Variants in BRCA1 observed in about 807,000 individuals in gnomAD.
BRCA1 encodes the protein breast cancer type 1 susceptibility protein.
In BRCA1, 140 loss-of-function variants were observed where a neutral mutation model predicts 173.7. That is an observed-to-expected ratio of 0.81 (90% CI 0.70 to 0.93). BRCA1 has a LOEUF of 0.93. Among genes scored for constraint, BRCA1 ranks in the 40% least tolerant of loss-of-function variants. BRCA1 has a pLI of 0.00. For missense variants in BRCA1, 1,983 were observed against 2,172.5 expected, an observed-to-expected ratio of 0.91 and a Z score of 1.73; for synonymous variants, 662 against 756.0, an observed-to-expected ratio of 0.88 and a Z score of 2.04.
chr17:43,059,711 T>C (rs2051666639), intron 18 of BRCA1, among the ~76,000 whole-genome samples: 1 of 152,118 alleles, frequency 6.6e-6, no homozygotes, highest in Non-Finnish European at 1.5e-5. Flanking sequence ...GCAAGTCCTC[T>C]CTTCAAACCC....
chr17:43,124,984 C>T (rs1050471374), intron 1 of BRCA1: 4 of 366,886 alleles, frequency 1.1e-5, no homozygotes, highest in Non-Finnish European at 2.2e-5. Context: ...GACCTCATGA[C>T]CAGCCGACGT....
At position 43,097,184 on chromosome 17, in the gene BRCA1, C is replaced by T. The variant is rs2054173076; in HGVS notation, c.593+60G>A. The T allele has an allele frequency of 9.5e-6, 14 of 1,481,400 alleles. No individual in the cohort carries two copies. The South Asian group carries it at 1.6e-4, about 17-fold the overall frequency. 91.8% of individuals were successfully genotyped at this position (1,481,400 alleles called of 1,614,324 possible). ...TTTTAAAAAGAGAGAAACATCAATCCTTAATATTAACTAAATAGGAAAATA... is the reference window on the plus strand; with the variant it reads ...TTTTAAAAAGAGAGAAACATCAATCTTTAATATTAACTAAATAGGAAAATA... On this transcript the variant is annotated intron_variant, in intron 8 of 22. Coordinates refer to ENST00000357654, the MANE Select transcript of BRCA1 (RefSeq NM_007294.4).
At chr17:43,088,733 G>C (rs8176165) in intron 11 of BRCA1, among the ~76,000 whole-genome samples, 2 of 152,156 alleles carry the variant, frequency 1.3e-5, no homozygotes, top group Admixed American at 6.5e-5. Flanking sequence ...AGGATGAATC[G>C]AGGGGGTCTG....
upstream of BRCA1, among the ~76,000 whole-genome samples, chr17:43,127,762 C>T (rs543466301): frequency 6.6e-6 from 1 of 152,160 alleles, no homozygotes; most frequent in South Asian, 2.1e-4. Flanking sequence ...CAGTGGCTCA[C>T]ACCTGTAATC....
intron 1 of BRCA1, among the ~76,000 whole-genome samples, chr17:43,149,258 C>T (rs1288871993): frequency 2.2e-4 from 32 of 143,094 alleles, no homozygotes; most frequent in Non-Finnish European, 4.1e-4. Flanking sequence ...GCCACCACAC[C>T]GGGCTAGTTT....
At position 43,092,657 on chromosome 17, in the gene BRCA1, G is replaced by A. The variant is rs1029207537; in HGVS notation, c.2874C>T (p.Phe958=). 3.7e-6 allele frequency: 6 copies of A among 1,613,904 alleles called. No individual in the cohort carries two copies. The African/African-American group carries it at 8.0e-5, about 22-fold the overall frequency. ...TAATGAGTCCAGTTTCGTTGCCTCTGAACTGAGATGATAGACAAAACCTAG... is the reference window on the plus strand; with the variant it reads ...TAATGAGTCCAGTTTCGTTGCCTCTAAACTGAGATGATAGACAAAACCTAG... ...GGSRFCLSSQ[F]RGNETGLITP... Residue 958 remains phenylalanine (F), a synonymous_variant, in exon 10 of 23, where the codon TTC becomes TTT. Coordinates refer to ENST00000357654, the MANE Select transcript of BRCA1 (RefSeq NM_007294.4).
At chr17:43,084,905 C>T (rs1042051265) in intron 11 of BRCA1, among the ~76,000 whole-genome samples, 1 of 152,152 alleles carries the variant, frequency 6.6e-6, no homozygotes, top group African/African-American at 2.4e-5. Context: ...TCACATCTAA[C>T]CTCTACGTGG....
At chr17:43,050,991 T>A in intron 20 of BRCA1, 72 bp downstream of exon 20, 1 of 1,459,342 alleles carries the variant, frequency 6.9e-7, no homozygotes, top group South Asian at 1.1e-5. Flanking sequence ...CATCGTGGGA[T>A]CTTGCTTATA....
chr17:43,047,790 G>A (rs1488832439), intron 21 of BRCA1, 87 bp from the exon 22 acceptor site: 9 of 1,438,118 alleles, frequency 6.3e-6, no homozygotes, highest in Non-Finnish European at 8.7e-6. Flanking sequence ...GTTTGTTTTT[G>A]AGACAGGGTC....
rs28897681 is a variant in BRCA1, at chr17:43,093,448, C to T, written c.2083G>A (p.Asp695Asn). Residue 695 changes from aspartate (D) to asparagine (N), a missense_variant, in exon 10 of 23, where the codon GAT becomes AAT. By Grantham distance (23) the Asp-to-Asn change is conservative. Coordinates refer to ENST00000357654, the MANE Select transcript of BRCA1 (RefSeq NM_007294.4). ...GTTAACTTCAGCTCTGGGAAAGTAT[C>T]GCTGTCATGTCTTTTACTTGTCTGT... ...NEQTSKRHDS[D>N]TFPELKLTNA... 6.2e-6 allele frequency: 10 copies of T among 1,613,910 alleles called. No individual in the cohort carries two copies. The African/African-American group carries it at 6.7e-5, about 11-fold the overall frequency.
At chr17:43,138,321 A>AGC in intron 1 of BRCA1, 1 of 392,660 alleles carries the variant, frequency 2.5e-6, no homozygotes, top group Non-Finnish European at 4.7e-6. Context: ...CGGACCGCTC[A>AGC]GCTTTCATTC....
At position 43,143,056 on chromosome 17, in the gene BRCA1, A is replaced by G. The variant is rs8073659; in HGVS notation, c.-19-18941T>C. 6.9e-3 allele frequency among the ~76,000 whole-genome samples: 1,019 copies of G among 148,672 alleles called. 16 individuals are homozygous for G. The highest frequency in any genetic ancestry group is 0.022 in the African/African-American group (902 of 40,652). On this transcript the variant is annotated intron_variant, in intron 1 of 7. Transcript: ENST00000634433. ...TGTGTATATATATGTATATATGTGTATATATATATGTATATATATGTGTGT... is the reference window on the plus strand; with the variant it reads ...TGTGTATATATATGTATATATGTGTGTATATATATGTATATATATGTGTGT...
At chr17:43,072,864 G>T (rs1367129062) in intron 14 of BRCA1, among the ~76,000 whole-genome samples, 1 of 150,346 alleles carries the variant, frequency 6.7e-6, no homozygotes, top group Non-Finnish European at 1.5e-5. Context: ...CACCACGCCT[G>T]GCCCCAGCTA....
chr17:43,161,386 A>G (rs2056234834), intron 1 of BRCA1: 1 of 152,226 alleles, frequency 6.6e-6, no homozygotes, highest in African/African-American at 2.4e-5. Context: ...TCAATTTCTT[A>G]TAGCTATGCT....
intron 1 of BRCA1, among the ~76,000 whole-genome samples, chr17:43,154,497 T>C (rs7218078): frequency 0.037 from 5,566 of 150,484 alleles, 341 homozygotes; most frequent in African/African-American, 0.13. Context: ...ATAATAATAA[T>C]AAGCTGCACT....
intron 1 of BRCA1, among the ~76,000 whole-genome samples, chr17:43,159,219 T>C (rs1277976697): frequency 2.0e-5 from 3 of 152,208 alleles, no homozygotes; most frequent in Non-Finnish European, 2.9e-5. Context: ...ACCACTGCAC[T>C]CCAGCCTCTC....
At chr17:43,110,902 ATCAGCCTTG>A (rs1201240119) in intron 3 of BRCA1, among the ~76,000 whole-genome samples, 1 of 151,984 alleles carries the variant, frequency 6.6e-6, no homozygotes, top group African/African-American at 2.4e-5. Flanking sequence ...GGAGTTCGAG[ATCAGCCTTG>A]TCAACATGGT....
intron 14 of BRCA1, 37 bp downstream of exon 14, chr17:43,074,294 C>G (rs2153985237): frequency 1.2e-6 from 2 of 1,609,056 alleles, no homozygotes; most frequent in Non-Finnish European, 1.7e-6. Context: ...AGAGTAAAAT[C>G]AAAGTGTTTG....
intron 19 of BRCA1, among the ~76,000 whole-genome samples, chr17:43,053,743 G>C (rs1001156495): frequency 1.3e-5 from 2 of 152,066 alleles, no homozygotes; most frequent in African/African-American, 4.8e-5. Flanking sequence ...GCCGAGGTGG[G>C]TGGATCACTT....
Sources: gnomAD v4.1 joint callset for allele counts (sites outside exome capture counted in the v4.1 genomes callset) on GRCh38, gnomAD v4.1.1 for gene constraint, MANE v1.5 for transcripts, NCBI Gene and HGNC (gene_info 2026-07-23, HGNC 2026-07-21) for gene names.